STIM1: variants seen among roughly 807,000 people sequenced by gnomAD.
STIM1 encodes stromal interaction molecule 1.
Under a neutral mutation model 74.7 loss-of-function variants are expected in STIM1, and 25 were observed. The observed-to-expected ratio is 0.33, with a 90% CI of 0.24 to 0.47. The LOEUF (loss-of-function observed/expected upper bound fraction) is 0.47. Ranked by LOEUF, STIM1 falls within the 20% of genes least tolerant of loss-of-function variation. The probability of loss-of-function intolerance (pLI) is 1.00; values close to 1 mark genes in which losing one functional copy is unlikely to be tolerated. For missense variants in STIM1, 728 were observed against 920.8 expected (o/e 0.79, Z 2.71); for synonymous variants, 328 against 348.8 (o/e 0.94, Z 0.66).
At chr11:3,892,630 C>G (rs571678496) in intron 1 of STIM1, 135 of 1,605,032 alleles carry the variant, frequency 8.4e-5, no homozygotes, top group Admixed American at 2.0e-4. Context: ...GGATGAAGTT[C>G]TCATCATCAA....
At position 3,952,241 on chromosome 11, in the gene STIM1, C is replaced by T. The variant is rs2093158353; in HGVS notation, c.140-15311C>T. Among the ~76,000 whole-genome samples the T allele has an allele frequency of 2.0e-5, 3 of 152,010 alleles. No homozygotes were observed. In the South Asian group the frequency reaches 6.2e-4, roughly 31 times the overall value. ...CAGACTGGGCAACATAGTGAAACCT[C>T]ATCTCTACAAAAAATACAAAAATTA... On this transcript the variant is annotated intron_variant, in intron 1 of 12. Coordinates refer to ENST00000526596, the MANE Select transcript of STIM1 (RefSeq NM_001382567.1).
chr11:3,992,287 G>T (rs1490335873), intron 2 of STIM1, among the ~76,000 whole-genome samples: 1 of 151,266 alleles, frequency 6.6e-6, no homozygotes, highest in African/African-American at 2.4e-5. Context: ...GGTGATGTGT[G>T]CCTATAATTC....
At chr11:3,907,992 CCA>C (rs2092495371) in intron 1 of STIM1, among the ~76,000 whole-genome samples, 1 of 152,188 alleles carries the variant, frequency 6.6e-6, no homozygotes, top group Non-Finnish European at 1.5e-5. Flanking sequence ...CCCTCCCCCA[CCA>C]CACACTGCAA....
intron 1 of STIM1, among the ~76,000 whole-genome samples, chr11:3,951,374 G>A (rs2093146191): frequency 6.6e-6 from 1 of 152,210 alleles, no homozygotes; most frequent in African/African-American, 2.4e-5. Flanking sequence ...TATTGTCTGA[G>A]TGGAGGGTTA....
chr11:3,922,277 A>G (rs2092727164), intron 1 of STIM1, among the ~76,000 whole-genome samples: 2 of 152,190 alleles, frequency 1.3e-5, no homozygotes, highest in South Asian at 4.1e-4. Context: ...ACTAATGTAT[A>G]GAGCATCTTT....
chr11:4,074,799 A>G (rs2094428038), intron 7 of STIM1, 120 bp downstream of exon 7: 1 of 1,145,840 alleles, frequency 8.7e-7, no homozygotes, highest in Non-Finnish European at 1.2e-6. Flanking sequence ...ACTATGTTCT[A>G]GAGTCACTGG....
intron 3 of STIM1, among the ~76,000 whole-genome samples, chr11:4,044,725 C>T (rs530500490): frequency 6.6e-6 from 1 of 152,264 alleles, no homozygotes; most frequent in East Asian, 1.9e-4. Context: ...TCTCCTTTTC[C>T]CCTACAGCTT....
At chr11:3,995,811 CTTTT>C (rs71466144) in intron 2 of STIM1, among the ~76,000 whole-genome samples, 22 of 137,852 alleles carry the variant, frequency 1.6e-4, no homozygotes, top group Non-Finnish European at 2.5e-4. Context: ...CACCTGGCTT[CTTTT>C]TTTTTTTTTT....
chr11:4,069,321 T>C (rs1333865804), intron 5 of STIM1, among the ~76,000 whole-genome samples: 1 of 152,164 alleles, frequency 6.6e-6, no homozygotes, highest in African/African-American at 2.4e-5. Flanking sequence ...AGCTGGTGGC[T>C]GGGGCCCTCG....
In STIM1 at chr11:4,043,691, C is replaced by CT. The variant is rs145285551; in HGVS notation, c.386-11826dup. ...GTATATTGGCAATGTGTGTACAAAGCTTTTTTTTTACAGGTAGATTATGTC... is the reference window on the plus strand; with the variant it reads ...GTATATTGGCAATGTGTGTACAAAGCTTTTTTTTTTACAGGTAGATTATGTC... On this transcript the variant is annotated intron_variant, in intron 3 of 12. Coordinates refer to ENST00000526596, the MANE Select transcript of STIM1 (RefSeq NM_001382567.1). Among the ~76,000 whole-genome samples, 19 of 151,062 alleles carry CT rather than the reference C, an allele frequency of 1.3e-4. No homozygotes were observed. The South Asian group carries it at 1.7e-3, about 13-fold the overall frequency.
At chr11:3,926,223 G>A (rs552395184) in intron 1 of STIM1, among the ~76,000 whole-genome samples, 1 of 152,178 alleles carries the variant, frequency 6.6e-6, no homozygotes, top group African/African-American at 2.4e-5. Context: ...TACCCTGAAA[G>A]CAAATGAGTG....
chr11:4,042,342 A>T (rs1169398892), intron 3 of STIM1, among the ~76,000 whole-genome samples: 4 of 152,200 alleles, frequency 2.6e-5, no homozygotes, highest in African/African-American at 9.7e-5. Flanking sequence ...AATACAATAT[A>T]GGACTATTTT....
intron 2 of STIM1, among the ~76,000 whole-genome samples, chr11:4,006,770 T>C (rs2093785988): frequency 6.6e-6 from 1 of 152,056 alleles, no homozygotes; most frequent in South Asian, 2.1e-4. Context: ...CTAAATATTG[T>C]GGGCTGGATG....
At chr11:3,992,280 G>T (rs528903150) in intron 2 of STIM1, among the ~76,000 whole-genome samples, 23 of 151,398 alleles carry the variant, frequency 1.5e-4, no homozygotes, top group Non-Finnish European at 2.8e-4. Flanking sequence ...TAGGCATGGT[G>T]ATGTGTGCCT....
intron 2 of STIM1, among the ~76,000 whole-genome samples, chr11:3,986,275 A>AAAGGTATTGCCTGAG (rs1188313347): frequency 6.6e-6 from 1 of 152,228 alleles, no homozygotes; most frequent in Non-Finnish European, 1.5e-5. Flanking sequence ...ACTATCCAGA[A>AAAGGTATTGCCTGAG]AAGGTATTGC....
At chr11:3,910,604 A>G (rs2092545728) in intron 1 of STIM1, among the ~76,000 whole-genome samples, 1 of 152,214 alleles carries the variant, frequency 6.6e-6, no homozygotes, top group Non-Finnish European at 1.5e-5. Context: ...GTGGATGCAC[A>G]ACACTATAAA....
In STIM1 at chr11:3,999,688, G is replaced by A. The variant is rs187575474; in HGVS notation, c.271-24185G>A. 2.3e-3 allele frequency: 360 copies of A among 156,196 alleles called. 1 individual carries two copies. Among genetic ancestry groups the A allele is most frequent in the African/African-American group, 7.5e-3 (311 of 41,628 alleles). 9.7% of individuals were successfully genotyped at this position (156,196 alleles called of 1,614,324 possible). A position where few individuals can be genotyped will look rare whatever the true frequency, so the allele number is the denominator to read the frequency against. On this transcript the variant is annotated intron_variant, in intron 2 of 12. Transcript: ENST00000526596. The stretch of plus-strand genomic sequence containing the variant: ...GGTGATTTCTGCATTTCCATTTGAG[G>A]TACCGGGTTCATCTCACTAGGGAGT...
chr11:3,873,288 C>T (rs560254256), intron 1 of STIM1, among the ~76,000 whole-genome samples: 1 of 151,860 alleles, frequency 6.6e-6, no homozygotes, highest in Non-Finnish European at 1.5e-5. Context: ...CGTGGTGGCG[C>T]ATGTCTGTAA....
intron 3 of STIM1, among the ~76,000 whole-genome samples, chr11:4,027,553 A>G (rs893507598): frequency 6.6e-6 from 1 of 152,128 alleles, no homozygotes; most frequent in African/African-American, 2.4e-5. Flanking sequence ...TGACCTCATT[A>G]TCTGCCCACC....
Sources: allele counts gnomAD v4.1 joint callset (sites outside exome capture counted in the v4.1 genomes callset), GRCh38; gene constraint gnomAD v4.1.1; transcripts MANE v1.5; gene names NCBI Gene and HGNC (gene_info 2026-07-23, HGNC 2026-07-21).